The following REPS2 variants were observed in gnomAD, a reference collection of about 807,000 sequenced individuals.
REPS2 encodes ralBP1-associated Eps domain-containing protein 2.
A neutral mutation model predicts 53.6 loss-of-function variants in REPS2; 23 were observed. The observed-to-expected ratio is 0.43, with a 90% CI of 0.31 to 0.61. The LOEUF is 0.61. Among genes scored for constraint, REPS2 ranks in the 20% least tolerant of loss-of-function variants. The pLI is 0.11. For synonymous variants in REPS2, 238 were observed against 218.6 expected, an observed-to-expected ratio of 1.09 and a Z score of -0.78; for missense variants, 446 against 534.9, an observed-to-expected ratio of 0.83 and a Z score of 1.64.
At chrX:17,046,446 G>C (rs192338480) in intron 5 of REPS2, among the ~76,000 whole-genome samples, 21 of 111,754 alleles carry the variant, frequency 1.9e-4, no homozygotes, top group African/African-American at 6.5e-4. Context: ...AAAGTGCTGG[G>C]ATTACTTGCG....
At chrX:17,066,644 T>A (rs2062229379) in intron 9 of REPS2, among the ~76,000 whole-genome samples, 1 of 112,169 alleles carries the variant, frequency 8.9e-6, no homozygotes, top group African/African-American at 3.2e-5. Context: ...GAGGCCGAGG[T>A]GGGCAGATCA....
chrX:16,976,271 A>T (rs2060953895), intron 1 of REPS2, among the ~76,000 whole-genome samples: 1 of 111,557 alleles, frequency 9.0e-6, no homozygotes. Flanking sequence ...TATAACTCTA[A>T]ATCCTGGTAA....
intron 4 of REPS2, among the ~76,000 whole-genome samples, chrX:17,027,018 C>A (rs1296123915): frequency 9.0e-6 from 1 of 111,234 alleles, no homozygotes; most frequent in Non-Finnish European, 1.9e-5. Context: ...GGTCTCGAAC[C>A]CCTGGACTCA....
chrX:17,013,290 C>G (rs761985732), intron 2 of REPS2, among the ~76,000 whole-genome samples: 1 of 112,389 alleles, frequency 8.9e-6, no homozygotes, highest in South Asian at 3.7e-4. Context: ...GAACTCTAAT[C>G]CTGCTGCCTT....
chrX:17,068,033 G>T (rs1040893894), intron 9 of REPS2, among the ~76,000 whole-genome samples: 8 of 112,145 alleles, frequency 7.1e-5, no homozygotes, highest in Admixed American at 2.8e-4. Context: ...GACATTTTCG[G>T]CTGGGCGCGG....
At chrX:16,947,610 C>T (rs1016537872) in intron 1 of REPS2, among the ~76,000 whole-genome samples, 3 of 111,945 alleles carry the variant, frequency 2.7e-5, no homozygotes, top group African/African-American at 9.8e-5. Context: ...ATGTTGTCCT[C>T]TCTATGTAGT....
chrX:17,010,939 A>G (rs970935170), intron 2 of REPS2, among the ~76,000 whole-genome samples: 2 of 112,071 alleles, frequency 1.8e-5, no homozygotes, highest in Non-Finnish European at 3.8e-5. Flanking sequence ...TTCTAATTTC[A>G]TATATCTGCA....
chrX:17,095,378 T>C (rs1171047394), intron 13 of REPS2, among the ~76,000 whole-genome samples: 1 of 111,935 alleles, frequency 8.9e-6, no homozygotes, highest in African/African-American at 3.2e-5. Context: ...AATCTGTCTG[T>C]TTTCAGCATG....
In REPS2 at chrX:17,135,310, G is replaced by C; in HGVS notation, c.1712G>C (p.Arg571Thr). The change falls in exon 16 of 18, where the codon AGA becomes ACA. Residue 571 changes from arginine (R) to threonine (T), a missense_variant. Arg to Thr is a moderately conservative substitution (Grantham distance 71). Transcript: ENST00000357277. ...PPSKPIRRKF[R>T]PENQATENQE... ...TCAAAGCCCATTCGTAGGAAATTCA[G>C]ACCAGAAAACCAAGCTACAGAAAAC... The C allele has an allele frequency of 8.3e-7, 1 of 1,211,610 alleles. No homozygotes were observed. Among genetic ancestry groups the C allele is most frequent in the Non-Finnish European group, 1.1e-6 (1 of 895,327 alleles).
At chrX:16,947,848 G>T (rs1403211974) in intron 1 of REPS2, among the ~76,000 whole-genome samples, 1 of 111,503 alleles carries the variant, frequency 9.0e-6, no homozygotes, top group Non-Finnish European at 1.9e-5. Flanking sequence ...ACTTGAAATA[G>T]AATTGAAAGG....
chrX:17,002,152 G>A (rs1240866759), intron 1 of REPS2, among the ~76,000 whole-genome samples: 4 of 111,069 alleles, frequency 3.6e-5, no homozygotes, highest in Non-Finnish European at 5.7e-5. Flanking sequence ...CTTAGGGGTG[G>A]TGTGTCATGA....
At chrX:17,021,123 T>TATCA (rs2061571527) in intron 2 of REPS2, among the ~76,000 whole-genome samples, 1 of 112,102 alleles carries the variant, frequency 8.9e-6, no homozygotes, top group Non-Finnish European at 1.9e-5. Context: ...AGAGAGCTGA[T>TATCA]GGAAGTGCAA....
the REPS2 span, among the ~76,000 whole-genome samples, chrX:17,193,629 A>G: frequency 1.6e-4 from 18 of 111,661 alleles, no homozygotes; most frequent in Non-Finnish European, 3.0e-4. Flanking sequence ...CCCTCTCCTA[A>G]GCAGATGGGC....
At chrX:17,100,938 G>C (rs1478785133) in intron 13 of REPS2, among the ~76,000 whole-genome samples, 1 of 111,263 alleles carries the variant, frequency 9.0e-6, no homozygotes, top group Non-Finnish European at 1.9e-5. Context: ...GTGATATCCT[G>C]TCAAGTATAA....
chrX:17,065,611 G>A (rs2062214658), intron 9 of REPS2, among the ~76,000 whole-genome samples: 2 of 111,174 alleles, frequency 1.8e-5, no homozygotes, highest in Middle Eastern at 4.6e-3. Context: ...TTTTTGAGAC[G>A]GAATCTCGCT....
chrX:17,044,559 G>C (rs1048955347), intron 5 of REPS2: 2 of 111,453 alleles, frequency 1.8e-5, no homozygotes, highest in African/African-American at 6.5e-5. Context: ...TGGAGGGACA[G>C]AGCTTCCGAC....
chrX:17,153,958 C>T (rs997819187), downstream of REPS2, among the ~76,000 whole-genome samples: 3 of 111,149 alleles, frequency 2.7e-5, no homozygotes, highest in East Asian at 2.9e-4. Context: ...TCTATGCAAG[C>T]GGTTCTCAAA....
chrX:16,970,567 A>G (rs1405176075), intron 1 of REPS2, among the ~76,000 whole-genome samples: 1 of 112,238 alleles, frequency 8.9e-6, no homozygotes, highest in African/African-American at 3.2e-5. Flanking sequence ...CACCTATTTA[A>G]AGTGTACAAT....
At chrX:17,085,160 C>A (rs940913396) in intron 13 of REPS2, among the ~76,000 whole-genome samples, 6 of 111,996 alleles carry the variant, frequency 5.4e-5, no homozygotes, top group Non-Finnish European at 1.1e-4. Context: ...TTTCTTGGCA[C>A]CTTTGTTGAA....
Sources: gnomAD v4.1 joint callset for allele counts (sites outside exome capture counted in the v4.1 genomes callset) on GRCh38, gnomAD v4.1.1 for gene constraint, MANE v1.5 for transcripts, NCBI Gene and HGNC (gene_info 2026-07-23, HGNC 2026-07-21) for gene names.